TNIK: variants seen among roughly 807,000 people sequenced by gnomAD.
TNIK encodes the protein TRAF2 and NCK interacting kinase, also known as TRAF2 and NCK-interacting protein kinase.
In TNIK, 49 loss-of-function variants were observed where a neutral mutation model predicts 191.3. The ratio of observed to expected loss-of-function variants is 0.26; its 90% CI spans 0.20 to 0.32. TNIK has a LOEUF of 0.32. Ranked by LOEUF, TNIK falls within the 10% of genes least tolerant of loss-of-function variation. TNIK has a pLI of 1.00. For missense variants in TNIK, 1,155 were observed against 1,702.3 expected (o/e 0.68, Z 5.66); for synonymous variants, 594 against 600.9 (o/e 0.99, Z 0.17).
intron 19 of TNIK, among the ~76,000 whole-genome samples, chr3:171,110,250 T>C (rs1725640953): frequency 6.6e-6 from 1 of 152,312 alleles, no homozygotes; most frequent in Admixed American, 6.5e-5. Context: ...TTCCTTCAAG[T>C]GTATTCTACA....
intron 2 of TNIK, among the ~76,000 whole-genome samples, chr3:171,241,651 A>C (rs1175339446): frequency 6.6e-6 from 1 of 152,242 alleles, no homozygotes; most frequent in Non-Finnish European, 1.5e-5. Flanking sequence ...ATAGAAGCAG[A>C]GGTAACTGCA....
chr3:171,231,660 C>T (rs949905682), intron 2 of TNIK, among the ~76,000 whole-genome samples: 1 of 152,130 alleles, frequency 6.6e-6, no homozygotes, highest in Non-Finnish European at 1.5e-5. Context: ...AACATCAGGC[C>T]AAGTTATGAT....
intron 2 of TNIK, among the ~76,000 whole-genome samples, chr3:171,262,334 ATG>A (rs1747747055): frequency 6.6e-6 from 1 of 152,112 alleles, no homozygotes; most frequent in Admixed American, 6.6e-5. Flanking sequence ...ATCAGCCTGA[ATG>A]TCATTCTTCA....
At chr3:171,301,738 A>G (rs1752909338) in intron 2 of TNIK, among the ~76,000 whole-genome samples, 1 of 152,252 alleles carries the variant, frequency 6.6e-6, no homozygotes. Flanking sequence ...ATCCTGGATC[A>G]AAAGAAGCAG....
intron 2 of TNIK, among the ~76,000 whole-genome samples, chr3:171,311,865 A>T (rs989097209): frequency 3.9e-5 from 6 of 152,020 alleles, no homozygotes; most frequent in Non-Finnish European, 7.4e-5. Context: ...ATAAGCAAAA[A>T]CTCAGCCACC....
At chr3:171,438,055 C>T (rs1438233683) in intron 1 of TNIK, among the ~76,000 whole-genome samples, 2 of 152,220 alleles carry the variant, frequency 1.3e-5, no homozygotes, top group Non-Finnish European at 2.9e-5. Flanking sequence ...AACTGCTGCA[C>T]CTGCACAGTG....
chr3:171,130,088 A>C (rs1319554729), intron 15 of TNIK, among the ~76,000 whole-genome samples: 2 of 152,136 alleles, frequency 1.3e-5, no homozygotes, highest in African/African-American at 4.8e-5. Context: ...TTCAATATTC[A>C]TGTCTGTTTG....
chr3:171,077,885 ACT>A (rs1422508968), intron 28 of TNIK, among the ~76,000 whole-genome samples: 4 of 146,716 alleles, frequency 2.7e-5, no homozygotes, highest in African/African-American at 1.1e-4. Context: ...ACATACACAC[ACT>A]CACACATATA....
chr3:171,167,357 C>A lies in TNIK; in HGVS notation c.774-87G>T, dbSNP rs909388962. 3.3e-6 allele frequency: 5 copies of A among 1,514,540 alleles called. No homozygotes were observed. The African/African-American group carries it at 6.9e-5, about 21-fold the overall frequency. 93.8% of individuals were successfully genotyped at this position (1,514,540 alleles called of 1,614,324 possible). On this transcript the variant is annotated intron_variant, in intron 9 of 32. Transcript: ENST00000436636. ...AATTTCTGAAATGCTGGGACTTTTT[C>A]TTTTTTTAAGGTCCAATTGGCTGGC...
At position 171,419,351 on chromosome 3, in the gene TNIK, G is replaced by A. The variant is rs193229898; in HGVS notation, c.57+40656C>T. On this transcript the variant is annotated intron_variant, in intron 1 of 32. Transcript: ENST00000436636. The stretch of plus-strand genomic sequence containing the variant: ...ATTAGTGATTGTTTAGGGCTGGGAT[G>A]GGGATAGAGTTGAAGGAAATGTGGA... 3.8e-3 allele frequency among the ~76,000 whole-genome samples: 586 copies of A among 152,286 alleles called. 5 individuals carry two copies. Among genetic ancestry groups the A allele is most frequent in the Non-Finnish European group, 6.5e-3 (443 of 68,018 alleles).
intron 2 of TNIK, among the ~76,000 whole-genome samples, chr3:171,271,303 T>C (rs952238115): frequency 6.6e-6 from 1 of 152,204 alleles, no homozygotes; most frequent in African/African-American, 2.4e-5. Flanking sequence ...AAAAAGAAAA[T>C]AGTAATTATT....
At chr3:171,397,828 A>G (rs746680126) in intron 1 of TNIK, among the ~76,000 whole-genome samples, 1 of 152,240 alleles carries the variant, frequency 6.6e-6, no homozygotes, top group Non-Finnish European at 1.5e-5. Context: ...ATAATACAAC[A>G]TACACGCTTT....
intron 1 of TNIK, among the ~76,000 whole-genome samples, chr3:171,388,626 C>T (rs912522407): frequency 6.6e-6 from 1 of 152,196 alleles, no homozygotes; most frequent in Non-Finnish European, 1.5e-5. Flanking sequence ...TACACACACA[C>T]ACTACCTTTG....
At position 171,111,263 on chromosome 3, in the gene TNIK, A is replaced by G. The variant is rs772141648; in HGVS notation, c.2121-386T>C. Among the ~76,000 whole-genome samples the G allele has an allele frequency of 2.0e-4, 30 of 152,124 alleles. 1 individual carries two copies. Among genetic ancestry groups the G allele is most frequent in the Middle Eastern group, 6.8e-3 (2 of 294 alleles). Reference sequence around the variant, plus strand: ...ATAGTGAGATCCCATCTCCACAAAAAAATTAGCTGGGCATAGTGGCATGTG... The same window carrying G: ...ATAGTGAGATCCCATCTCCACAAAAGAATTAGCTGGGCATAGTGGCATGTG... On this transcript the variant is annotated intron_variant, in intron 18 of 32. Coordinates refer to ENST00000436636, the MANE Select transcript of TNIK (RefSeq NM_015028.4).
intron 1 of TNIK, among the ~76,000 whole-genome samples, chr3:171,373,409 A>G (rs55783003): frequency 0.035 from 5,342 of 151,358 alleles, 210 homozygotes; most frequent in East Asian, 0.2. Context: ...CTTGTCCACC[A>G]CTCCCCTAAT....
At chr3:171,431,861 C>A (rs1183715446) in intron 1 of TNIK, among the ~76,000 whole-genome samples, 2 of 152,314 alleles carry the variant, frequency 1.3e-5, no homozygotes, top group South Asian at 4.1e-4. Context: ...TTACATCCTG[C>A]CTTTTGGCAA....
At chr3:171,091,594 T>G (rs1722063169) in intron 23 of TNIK, among the ~76,000 whole-genome samples, 1 of 151,820 alleles carries the variant, frequency 6.6e-6, no homozygotes, top group Non-Finnish European at 1.5e-5. Context: ...ATACAAAAAT[T>G]TAGCTGGGCG....
At position 171,369,903 on chromosome 3, in the gene TNIK, T is replaced by A. The variant is rs368662153; in HGVS notation, c.58-218A>T. Among the ~76,000 whole-genome samples the A allele has an allele frequency of 1.4e-3, 217 of 152,342 alleles. 1 individual carries two copies. The highest frequency in any genetic ancestry group is 5.0e-3 in the African/African-American group (206 of 41,574). On this transcript the variant is annotated intron_variant, in intron 1 of 32. Coordinates refer to ENST00000436636, the MANE Select transcript of TNIK (RefSeq NM_015028.4). The stretch of plus-strand genomic sequence containing the variant: ...ATTTTCTTTCCATTTTACATTTCTA[T>A]GAAATGTGTTTAAATCAGGCAAAAG...
intron 7 of TNIK, among the ~76,000 whole-genome samples, chr3:171,178,813 G>A (rs984759553): frequency 1.3e-5 from 2 of 152,174 alleles, no homozygotes; most frequent in Admixed American, 6.5e-5. Context: ...GTGATCAAAG[G>A]TAAGTTTCCT....
Sources: gnomAD v4.1 joint callset for allele counts (sites outside exome capture counted in the v4.1 genomes callset) on GRCh38, gnomAD v4.1.1 for gene constraint, MANE v1.5 for transcripts, NCBI Gene and HGNC (gene_info 2026-07-23, HGNC 2026-07-21) for gene names.